Variants in ANKS1A observed in about 807,000 individuals in gnomAD.
The protein encoded by ANKS1A is ankyrin repeat and SAM domain-containing protein 1A.
A neutral mutation model predicts 120.3 loss-of-function variants in ANKS1A; 55 were observed. The observed-to-expected ratio is 0.46, with a 90% confidence interval of 0.37 to 0.57. ANKS1A has a LOEUF of 0.57. Ranked by LOEUF, ANKS1A falls within the 20% of genes least tolerant of loss-of-function variation. The probability of loss-of-function intolerance (pLI) is 0.00; values close to 1 mark genes in which losing one functional copy is unlikely to be tolerated. For missense variants in ANKS1A, 1,123 were observed against 1,480.3 expected, an observed-to-expected ratio of 0.76 and a Z score of 3.96; for synonymous variants, 590 against 604.7, an observed-to-expected ratio of 0.98 and a Z score of 0.36.
At chr6:34,930,530 G>T (rs887568783) in intron 1 of ANKS1A, among the ~76,000 whole-genome samples, 1 of 152,190 alleles carries the variant, frequency 6.6e-6, no homozygotes, top group African/African-American at 2.4e-5. Context: ...GTGTAAAAAA[G>T]GGATGTTAAT....
At chr6:35,046,831 C>T (rs1309196234) in intron 11 of ANKS1A, among the ~76,000 whole-genome samples, 8 of 152,084 alleles carry the variant, frequency 5.3e-5, no homozygotes, top group South Asian at 2.1e-4. Flanking sequence ...TTGATAAATA[C>T]GTACATTTGT....
chr6:35,089,379 C>G lies in ANKS1A; in HGVS notation c.*770C>G. On this transcript the variant is annotated 3_prime_UTR_variant, in exon 24 of 24. Transcript: ENST00000360359. ...ACCAGAGCGCCAGGCCTCTCCCTGG[C>G]CTCTTACCTGTCAGTGATCGGAGCA... is the stretch of plus-strand genomic sequence containing the variant. The G allele has an allele frequency of 1.0e-6, 1 of 986,758 alleles. No homozygotes were observed. Among genetic ancestry groups the G allele is most frequent in the Non-Finnish European group, 1.2e-6 (1 of 830,618 alleles). The allele number at this position is 986,758 out of a possible 1,614,324, so 61.1% of individuals were successfully genotyped here.
intron 1 of ANKS1A, among the ~76,000 whole-genome samples, chr6:34,953,403 G>T (rs1256240377): frequency 6.6e-6 from 1 of 152,156 alleles, no homozygotes; most frequent in Admixed American, 6.5e-5. Flanking sequence ...AGATGGGATG[G>T]GGGTCTGGGA....
intron 11 of ANKS1A, among the ~76,000 whole-genome samples, chr6:35,046,684 A>G (rs1351405923): frequency 6.6e-6 from 1 of 152,234 alleles, no homozygotes; most frequent in Admixed American, 6.5e-5. Context: ...TAAGTTGCAG[A>G]CATCAGTACT....
At chr6:35,014,328 C>A (rs1427984105) in intron 10 of ANKS1A, among the ~76,000 whole-genome samples, 5 of 152,170 alleles carry the variant, frequency 3.3e-5, no homozygotes, top group Non-Finnish European at 7.4e-5. Context: ...ATAAGAATTT[C>A]TTTCCATCAT....
intron 3 of ANKS1A, chr6:34,972,764 G>C: frequency 2.8e-6 from 1 of 357,902 alleles, no homozygotes; most frequent in Non-Finnish European, 3.9e-6. Context: ...ACTGTTGTCT[G>C]CTTCAGTCCA....
intron 10 of ANKS1A, among the ~76,000 whole-genome samples, chr6:35,011,100 T>G (rs1368011642): frequency 2.0e-5 from 3 of 152,182 alleles, no homozygotes; most frequent in Non-Finnish European, 2.9e-5. Context: ...ACCTCATGGT[T>G]GTTGTGAATA....
chr6:34,989,153 A>G (rs891164734), intron 8 of ANKS1A, 71 bp from the exon 9 acceptor site: 47 of 1,455,086 alleles, frequency 3.2e-5, no homozygotes, highest in Non-Finnish European at 4.2e-5. Context: ...AAGGGCTAAG[A>G]TGAGGGCAAA....
intron 1 of ANKS1A, among the ~76,000 whole-genome samples, chr6:34,892,441 T>C (rs1766868368): frequency 6.6e-6 from 1 of 152,128 alleles, no homozygotes; most frequent in Admixed American, 6.5e-5. Flanking sequence ...GCCTTTGTAT[T>C]AGCGGCCATA....
In ANKS1A at chr6:35,050,684, T is replaced by C. The variant is rs820098; in HGVS notation, c.2011-3415T>C. ...CAAGGAGAGAAGATGAGCTCCGGCT[T>C]CTCCCCATCTGCACAGCTCAGGCTG... On this transcript the variant is annotated intron_variant, in intron 11 of 23. Coordinates refer to ENST00000360359, the MANE Select transcript of ANKS1A (RefSeq NM_015245.3). This position sits in a 1 kb window ranked among gnomAD's most constrained non-coding sequence, Gnocchi z 4.3. Among the ~76,000 whole-genome samples the C allele has an allele frequency of 0.64, 96,972 of 152,054 alleles. 31,267 individuals are homozygous for C. Among genetic ancestry groups the C allele is most frequent in the Middle Eastern group, 0.8 (236 of 294 alleles).
intron 1 of ANKS1A, among the ~76,000 whole-genome samples, chr6:34,946,585 C>G (rs1347537537): frequency 4.8e-5 from 7 of 144,826 alleles, no homozygotes; most frequent in African/African-American, 1.8e-4. Context: ...AAAACTCTGT[C>G]TTGAAAAAAA....
chr6:34,959,203 T>C (rs1388172470), intron 1 of ANKS1A, among the ~76,000 whole-genome samples: 1 of 152,260 alleles, frequency 6.6e-6, no homozygotes, highest in African/African-American at 2.4e-5. Context: ...TCTGTCGCTG[T>C]GTTTTATGTA....
Position 35,050,792 on chromosome 6 carries a change from C to T in ANKS1A, c.2011-3307C>T, listed in dbSNP as rs902673994. ...AATCTCTGCCCAAACAGGACCTCTT[C>T]GCTGCCATGTCCCTCCTGGCCCTGA... On this transcript the variant is annotated intron_variant, in intron 11 of 23. Transcript: ENST00000360359. The surrounding 1 kb of genome is among the most constrained non-coding windows in gnomAD (Gnocchi z 4.3). 1.8e-4 allele frequency among the ~76,000 whole-genome samples: 27 copies of T among 152,168 alleles called. No homozygotes were observed. Among genetic ancestry groups the T allele is most frequent in the Admixed American group, 1.7e-3 (26 of 15,282 alleles).
At chr6:35,070,720 G>A (rs1035145705) in intron 13 of ANKS1A, among the ~76,000 whole-genome samples, 10 of 151,806 alleles carry the variant, frequency 6.6e-5, no homozygotes, top group Non-Finnish European at 1.2e-4. Context: ...TCCTGACCTC[G>A]TGATCTGCCT....
chr6:35,037,154 G>T (rs1472796196), intron 11 of ANKS1A, among the ~76,000 whole-genome samples: 1 of 152,214 alleles, frequency 6.6e-6, no homozygotes, highest in East Asian at 1.9e-4. Context: ...TTGGTAATTA[G>T]GCAAATGAAA....
intron 9 of ANKS1A, among the ~76,000 whole-genome samples, chr6:34,991,432 C>T (rs1772502533): frequency 6.6e-6 from 1 of 151,632 alleles, no homozygotes; most frequent in African/African-American, 2.4e-5. Flanking sequence ...CAGAAAGCTC[C>T]CACACCCCAA....
Position 35,044,295 on chromosome 6 carries a change from C to T in ANKS1A, c.2011-9804C>T, listed in dbSNP as rs1775613057. ...TAAGCGGAGGTCAATAACAGGTTTGCCAGGTAGGTGTCGTTATCCCTGTTA... is the reference window on the plus strand; with the variant it reads ...TAAGCGGAGGTCAATAACAGGTTTGTCAGGTAGGTGTCGTTATCCCTGTTA... On this transcript the variant is annotated intron_variant, in intron 11 of 23. Transcript: ENST00000360359. The surrounding 1 kb of genome is among the most constrained non-coding windows in gnomAD (Gnocchi z 4.4). Among the ~76,000 whole-genome samples, 1 of 152,158 alleles carries T rather than the reference C, an allele frequency of 6.6e-6. No homozygotes were observed.
chr6:35,097,112 C>G, the ANKS1A span, among the ~76,000 whole-genome samples: 2 of 152,130 alleles, frequency 1.3e-5, no homozygotes, highest in Non-Finnish European at 2.9e-5. Context: ...AGCCAACAAC[C>G]TAGACACCTT....
intron 1 of ANKS1A, among the ~76,000 whole-genome samples, chr6:34,927,731 AG>A (rs1404568023): frequency 1.3e-5 from 2 of 152,154 alleles, no homozygotes; most frequent in Non-Finnish European, 2.9e-5. Flanking sequence ...TGACTGATGG[AG>A]GTGCAAGGGA....
Sources: gnomAD v4.1 joint callset for allele counts (sites outside exome capture counted in the v4.1 genomes callset) on GRCh38, gnomAD v4.1.1 for gene constraint, Gnocchi (gnomAD v3.1) non-coding constraint, MANE v1.5 for transcripts, NCBI Gene and HGNC (gene_info 2026-07-23, HGNC 2026-07-21) for gene names.